The following SMTN variants were observed in gnomAD, a reference collection of about 807,000 sequenced individuals.
SMTN encodes the protein smoothelin.
In SMTN, 58 loss-of-function variants were observed where a neutral mutation model predicts 102.0. The ratio of observed to expected loss-of-function variants is 0.57; its 90% CI spans 0.46 to 0.71. SMTN has a LOEUF of 0.71. Among genes scored for constraint, SMTN ranks in the 30% least tolerant of loss-of-function variants. The pLI, the probability that SMTN is intolerant of heterozygous loss-of-function variation, is 0.00. For synonymous variants in SMTN, 478 were observed against 497.9 expected (o/e 0.96, Z 0.53); for missense variants, 1,185 against 1,241.7 (o/e 0.95, Z 0.69).
chr22:31,098,730 G>A lies in SMTN; in HGVS notation c.2223G>A (p.Arg741=), dbSNP rs760245628. ...RAGSLAALEK[R]QAEKKKELMK... ...GCAGCCTGGCGGCGCTCGAGAAACG[G>A]CAGGCCGAGAAGAAGAAAGAGCTGA... The change falls in exon 17 of 21, where the codon CGG becomes CGA. Residue 741 remains arginine (R), a synonymous_variant. Transcript: ENST00000333137. The A allele has an allele frequency of 1.2e-6, 2 of 1,613,308 alleles. No homozygotes were observed. Among genetic ancestry groups the A allele is most frequent in the Admixed American group, 1.7e-5 (1 of 59,970 alleles).
chr22:31,088,852 A>T lies in SMTN; in HGVS notation c.374-20A>T. On this transcript the variant is annotated intron_variant, in intron 5 of 20. Coordinates refer to ENST00000333137, the MANE Select transcript of SMTN (RefSeq NM_134269.3). ...AGCACCTCCCTGTCACTCACCTGCCACTTGCTCCTTCCCTTCCAGCTGCCA... is the reference window on the plus strand; with the variant it reads ...AGCACCTCCCTGTCACTCACCTGCCTCTTGCTCCTTCCCTTCCAGCTGCCA... The T allele has an allele frequency of 1.2e-6, 2 of 1,613,504 alleles. No homozygotes were observed. The highest frequency in any genetic ancestry group is 1.7e-6 in the Non-Finnish European group (2 of 1,179,682).
In SMTN at chr22:31,104,375, A is replaced by C. The variant is rs1320656248; in HGVS notation, c.*80A>C. On this transcript the variant is annotated 3_prime_UTR_variant, in exon 21 of 21. Coordinates refer to ENST00000333137, the MANE Select transcript of SMTN (RefSeq NM_134269.3). Reference sequence around the variant, plus strand: ...GACGACATGATGATCATGGGCAAGAAGCCTGACCCCAAGTGTGTCTTCACC... The same window carrying C: ...GACGACATGATGATCATGGGCAAGACGCCTGACCCCAAGTGTGTCTTCACC... The C allele has an allele frequency of 6.2e-7, 1 of 1,614,064 alleles. No homozygotes were observed. Among genetic ancestry groups the C allele is most frequent in the African/African-American group, 1.3e-5 (1 of 74,940 alleles).
chr22:31,101,122 G>T, intron 20 of SMTN, 73 bp downstream of exon 20: 1 of 1,413,364 alleles, frequency 7.1e-7, no homozygotes, highest in Non-Finnish European at 9.6e-7. Context: ...AGGGTCCAGG[G>T]AGGCGGGTGG....
At chr22:31,075,121 C>T (rs568779998) in intron 1 of SMTN, among the ~76,000 whole-genome samples, 25 of 152,244 alleles carry the variant, frequency 1.6e-4, no homozygotes, top group South Asian at 1.5e-3. Context: ...AGGTCTTAGC[C>T]TCTCTACAGT....
intron 2 of SMTN, 196 bp from the exon 3 acceptor site, chr22:31,087,769 G>A (rs2042802802): frequency 1.9e-6 from 1 of 516,312 alleles, no homozygotes; most frequent in Non-Finnish European, 3.4e-6. Flanking sequence ...AATGCAAAGT[G>A]GACTACCCAA....
intron 1 of SMTN, among the ~76,000 whole-genome samples, chr22:31,070,487 C>T (rs144357147): frequency 0.015 from 2,256 of 152,114 alleles, 43 homozygotes; most frequent in East Asian, 0.047. Flanking sequence ...TTCCCCTTGC[C>T]TGGAACACCC....
chr22:31,088,650 A>C, intron 4 of SMTN, 44 bp downstream of exon 4: 1 of 1,612,198 alleles, frequency 6.2e-7, no homozygotes. Context: ...GGGCAGGTGA[A>C]GACCTGGACT....
Position 31,075,983 on chromosome 22 carries a change from G to A in SMTN, c.-385-4467G>A, listed in dbSNP as rs567349096. Among the ~76,000 whole-genome samples, 208 of 152,272 alleles carry A rather than the reference G, an allele frequency of 1.4e-3. 1 individual carries two copies. The highest frequency in any genetic ancestry group is 4.7e-3 in the African/African-American group (196 of 41,556). On this transcript the variant is annotated intron_variant, in intron 1 of 3. Transcript: ENST00000422839. The stretch of plus-strand genomic sequence containing the variant: ...GGCAGTGGCTCCAGGCACTGCCTCC[G>A]TGCCATTTGGCTATTATTAGGCCCG...
At chr22:31,075,462 C>T (rs991903497) in intron 1 of SMTN, among the ~76,000 whole-genome samples, 5 of 152,076 alleles carry the variant, frequency 3.3e-5, no homozygotes, top group Admixed American at 2.0e-4. Flanking sequence ...AGGTGGATCA[C>T]CTCAGTTCAG....
intron 1 of SMTN, among the ~76,000 whole-genome samples, chr22:31,075,213 ATTTT>A (rs201597660): frequency 1.8e-4 from 28 of 151,830 alleles, no homozygotes; most frequent in Non-Finnish European, 3.4e-4. Context: ...TCTGGGCCTC[ATTTT>A]TTTTCTTCGT....
intron 1 of SMTN, 106 bp from the exon 2 acceptor site, chr22:31,083,073 C>A: frequency 6.8e-7 from 1 of 1,474,572 alleles, no homozygotes; most frequent in Non-Finnish European, 9.3e-7. Flanking sequence ...TAGGATGGGA[C>A]AGTAATGGAC....
chr22:31,074,775 T>G (rs573987849), intron 1 of SMTN, among the ~76,000 whole-genome samples: 1 of 151,874 alleles, frequency 6.6e-6, no homozygotes, highest in South Asian at 2.1e-4. Flanking sequence ...CCAGCCTGGG[T>G]GACAAGAGTG....
Position 31,095,317 on chromosome 22 carries a change from A to G in SMTN, c.1647A>G (p.Pro549=). ...CCACCCTGCAGATGGAAGCAGAGCC[A>G]GCAGAGCCTCTCGCTGCAGCAGTGG... ...GGCSIKMEAE[P]AEPLAAAVEA... Residue 549 remains proline (P), a synonymous_variant, in exon 12 of 21, where the codon CCA becomes CCG. Transcript: ENST00000333137. This position sits in a 1 kb window ranked among gnomAD's most constrained non-coding sequence, Gnocchi z 4.1. 6.2e-7 allele frequency: 1 copy of G among 1,613,940 alleles called. No homozygotes were observed. Among genetic ancestry groups the G allele is most frequent in the Non-Finnish European group, 8.5e-7 (1 of 1,180,018 alleles).
At chr22:31,077,985 G>A (rs2042170920), upstream of SMTN, among the ~76,000 whole-genome samples, 1 of 152,184 alleles carries the variant, frequency 6.6e-6, no homozygotes, top group Non-Finnish European at 1.5e-5. Flanking sequence ...CCACCTCTAG[G>A]GGCTCCATTC....
chr22:31,084,873 CG>C (rs1178490074), intron 2 of SMTN: 1 of 1,044,516 alleles, frequency 9.6e-7, no homozygotes, highest in Non-Finnish European at 1.3e-6. Flanking sequence ...TACTGCGCCC[CG>C]CGCGCCGGCC....
chr22:31,079,118 GCAGTAGTGGGAGCCCCACGT>G, upstream of SMTN, among the ~76,000 whole-genome samples: 1 of 152,304 alleles, frequency 6.6e-6, no homozygotes, highest in Non-Finnish European at 1.5e-5. Flanking sequence ...TGGTCACCTG[GCAGTAGTGGGAGCCCCACGT>G]CTGACATGCA....
chr22:31,104,126 G>A (rs1457834794), intron 20 of SMTN, 190 bp from the exon 21 acceptor site: 8 of 625,666 alleles, frequency 1.3e-5, no homozygotes, highest in African/African-American at 5.5e-5. Flanking sequence ...CTGCTCCCCC[G>A]CCCCGAGAGA....
chr22:31,093,336 G>A (rs908702648), intron 11 of SMTN: 5 of 312,780 alleles, frequency 1.6e-5, no homozygotes, highest in East Asian at 1.9e-4. Context: ...GGGCAGGCCC[G>A]CTGCCCTTGC....
At chr22:31,064,412 A>G (rs898789114) in intron 1 of SMTN, 15 of 152,222 alleles carry the variant, frequency 9.9e-5, no homozygotes, top group African/African-American at 3.6e-4. Context: ...ACCTCACATT[A>G]GAAAAGAAAG....
Sources: allele counts gnomAD v4.1 joint callset (sites outside exome capture counted in the v4.1 genomes callset), GRCh38; gene constraint gnomAD v4.1.1; non-coding constraint Gnocchi (gnomAD v3.1); transcripts MANE v1.5; gene names NCBI Gene and HGNC (gene_info 2026-07-23, HGNC 2026-07-21).